SHROOM2: variants seen among roughly 807,000 people sequenced by gnomAD.
SHROOM2 encodes the protein protein Shroom2.
Under a neutral mutation model 75.9 loss-of-function variants are expected in SHROOM2, and 33 were observed. The observed-to-expected ratio is 0.43, with a 90% CI of 0.33 to 0.58. The LOEUF is 0.58. Ranked by LOEUF, SHROOM2 falls within the 20% of genes least tolerant of loss-of-function variation. SHROOM2 has a pLI of 0.04. For missense variants in SHROOM2, 1,434 were observed against 1,461.2 expected, an observed-to-expected ratio of 0.98 and a Z score of 0.30; for synonymous variants, 655 against 663.6, an observed-to-expected ratio of 0.99 and a Z score of 0.20.
At chrX:9,860,698 A>G (rs1485271160) in intron 1 of SHROOM2, among the ~76,000 whole-genome samples, 1 of 112,179 alleles carries the variant, frequency 8.9e-6, no homozygotes. Flanking sequence ...TGCTGGGATT[A>G]CAGACATGAG....
intron 1 of SHROOM2, among the ~76,000 whole-genome samples, chrX:9,838,597 GT>G (rs2083961959): frequency 8.9e-6 from 1 of 111,841 alleles, no homozygotes; most frequent in South Asian, 3.7e-4. Flanking sequence ...TATAGCCTTT[GT>G]TTCTTCTCAA....
chrX:9,899,089 G>GA (rs200967541), intron 5 of SHROOM2, among the ~76,000 whole-genome samples: 2,829 of 102,942 alleles, frequency 0.027, 84 homozygotes, highest in East Asian at 0.094. Context: ...ACTAAAAATA[G>GA]AAAAAAAAAA....
At chrX:9,942,827 G>C (rs778237902) in intron 8 of SHROOM2, among the ~76,000 whole-genome samples, 1 of 111,352 alleles carries the variant, frequency 9.0e-6, no homozygotes, top group South Asian at 3.8e-4. Context: ...AGTCCTAACA[G>C]ACCGAGGAGA....
rs1348874897 is a variant in SHROOM2 at position 9,873,732 on chromosome X, C to T, written c.246C>T (p.Leu82=). The change falls in exon 2 of 10, where the codon CTC becomes CTT. Residue 82 remains leucine, a synonymous_variant. Coordinates refer to ENST00000380913, the MANE Select transcript of SHROOM2 (RefSeq NM_001649.4). ...DEIVGINDIG[L]SGFRQEAICL... ...TCGTCGGCATCAATGACATTGGTCT[C>T]TCAGGGTTTAGACAGGAAGCGATTT... is the stretch of plus-strand genomic sequence containing the variant. 8.3e-7 allele frequency: 1 copy of T among 1,211,555 alleles called. No individual in the cohort carries two copies. The highest frequency in any genetic ancestry group is 2.2e-5 in the Admixed American group (1 of 46,012).
At chrX:9,882,310 A>G (rs750268740) in intron 2 of SHROOM2, among the ~76,000 whole-genome samples, 22 of 107,657 alleles carry the variant, frequency 2.0e-4, no homozygotes, top group Non-Finnish European at 3.4e-4. Flanking sequence ...AACGAGTCAT[A>G]TTAATGACTG....
rs397953893 is a variant in SHROOM2, at chrX:9,827,223, C to CTTTTTTTTTT, written c.165+40521_165+40530dup. ...TGTTAGCCTTGACATTTTTCTTTTT[C>CTTTTTTTTTT]TTTTTTTTTTTTTTTTTGAGACAGG... On this transcript the variant is annotated intron_variant, in intron 1 of 9. Coordinates refer to ENST00000380913, the MANE Select transcript of SHROOM2 (RefSeq NM_001649.4). 6.0e-3 allele frequency among the ~76,000 whole-genome samples: 359 copies of CTTTTTTTTTT among 60,041 alleles called. 10 individuals are homozygous for CTTTTTTTTTT. The highest frequency in any genetic ancestry group is 0.014 in the Middle Eastern group (1 of 73). 52.1% of individuals were successfully genotyped at this position (60,041 alleles called of 115,157 possible).
At chrX:9,817,770 A>G (rs2083831241) in intron 1 of SHROOM2, among the ~76,000 whole-genome samples, 1 of 112,013 alleles carries the variant, frequency 8.9e-6, no homozygotes, top group South Asian at 3.7e-4. Flanking sequence ...TAAGGTAATT[A>G]CAAATAAGTT....
intron 1 of SHROOM2, among the ~76,000 whole-genome samples, chrX:9,789,779 A>G (rs963240434): frequency 9.0e-6 from 1 of 111,478 alleles, no homozygotes; most frequent in African/African-American, 3.3e-5. Flanking sequence ...CCTGTTCACT[A>G]TTTCTTAGAG....
chrX:9,859,277 A>T (rs2084089623), intron 1 of SHROOM2, among the ~76,000 whole-genome samples: 1 of 64,637 alleles, frequency 1.5e-5, no homozygotes, highest in African/African-American at 5.2e-5. Flanking sequence ...TGCTAAGATG[A>T]AAGCAGGGCT....
chrX:9,847,312 C>T (rs1011108745), intron 1 of SHROOM2, among the ~76,000 whole-genome samples: 1 of 112,289 alleles, frequency 8.9e-6, no homozygotes, highest in South Asian at 3.7e-4. Context: ...CCGTGCCTGA[C>T]GGATGAGAAT....
chrX:9,891,776 G>A (rs1398012509), intron 3 of SHROOM2, among the ~76,000 whole-genome samples: 1 of 110,965 alleles, frequency 9.0e-6, no homozygotes, highest in Non-Finnish European at 1.9e-5. Flanking sequence ...GTGTGTGCCT[G>A]TATGTGTGCC....
Position 9,948,238 on chromosome X carries a change from C to T in SHROOM2, c.*1301C>T, listed in dbSNP as rs2084839808. The T allele has an allele frequency of 8.9e-6, 1 of 112,404 alleles. No homozygotes were observed. The highest frequency in any genetic ancestry group is 3.7e-4 in the South Asian group (1 of 2,720). 9.3% of individuals were successfully genotyped at this position (112,404 alleles called of 1,213,427 possible). A position where few individuals can be genotyped will look rare whatever the true frequency, so the allele number is the denominator to read the frequency against. ...CATACACGCGTGGCAAACAAGCACA[C>T]GAAAAGACGTTCAGCCGCCGATGGC... On this transcript the variant is annotated 3_prime_UTR_variant, in exon 10 of 10. Coordinates refer to ENST00000380913, the MANE Select transcript of SHROOM2 (RefSeq NM_001649.4).
chrX:9,833,994 A>C (rs1192590209), intron 1 of SHROOM2, among the ~76,000 whole-genome samples: 3 of 111,897 alleles, frequency 2.7e-5, no homozygotes, highest in Non-Finnish European at 5.6e-5. Flanking sequence ...TCCCATCTAC[A>C]CTAGTGGTTC....
chrX:9,824,817 C>T (rs978338993), intron 1 of SHROOM2, among the ~76,000 whole-genome samples: 1 of 111,329 alleles, frequency 9.0e-6, no homozygotes, highest in Non-Finnish European at 1.9e-5. Flanking sequence ...CAGTTTGACA[C>T]GGCTGTTTTC....
chrX:9,834,293 G>C, intron 1 of SHROOM2, among the ~76,000 whole-genome samples: 1 of 112,350 alleles, frequency 8.9e-6, no homozygotes, highest in Non-Finnish European at 1.9e-5. Flanking sequence ...AGCCTGTCAG[G>C]AGGAGGTGGT....
chrX:9,840,147 A>G (rs919610483), intron 1 of SHROOM2, among the ~76,000 whole-genome samples: 3 of 112,594 alleles, frequency 2.7e-5, no homozygotes, highest in Non-Finnish European at 3.8e-5. Context: ...GAATGTCTGC[A>G]TATGTACTAG....
chrX:9,868,727 C>CCT (rs2084155078), intron 1 of SHROOM2, among the ~76,000 whole-genome samples: 2 of 28,707 alleles, frequency 7.0e-5, no homozygotes, highest in Admixed American at 7.3e-4. Flanking sequence ...ATTTTTTACC[C>CCT]TTTTTTTTTT....
chrX:9,920,133 G>GGTTCATCAGACAGACATCTCAAATCA (rs2084531967), intron 5 of SHROOM2, among the ~76,000 whole-genome samples: 2 of 101,693 alleles, frequency 2.0e-5, no homozygotes, highest in African/African-American at 7.5e-5. Flanking sequence ...ATCTCAACTC[G>GGTTCATCAGACAGACATCTCAAATCA]CTACAACTCA....
chrX:9,893,418 C>T (rs959790011), intron 3 of SHROOM2, among the ~76,000 whole-genome samples: 21 of 111,795 alleles, frequency 1.9e-4, no homozygotes, highest in Admixed American at 6.7e-4. Flanking sequence ...TGTGAGCCAC[C>T]AAACCTGGTC....
Sources: gnomAD v4.1 joint callset for allele counts (sites outside exome capture counted in the v4.1 genomes callset) on GRCh38, gnomAD v4.1.1 for gene constraint, MANE v1.5 for transcripts, NCBI Gene and HGNC (gene_info 2026-07-23, HGNC 2026-07-21) for gene names.